MAPRE2: variants seen among roughly 807,000 people sequenced by gnomAD.
MAPRE2 encodes microtubule-associated protein RP/EB family member 2.
MAPRE2 carries 13 observed loss-of-function variants against 43.2 expected under a neutral mutation model. That is an observed-to-expected ratio of 0.30 (90% CI 0.20 to 0.48). The LOEUF is 0.48. MAPRE2 is among the 20% of genes least tolerant of loss of function. The probability of loss-of-function intolerance (pLI) is 0.99; values close to 1 mark genes in which losing one functional copy is unlikely to be tolerated. For missense variants in MAPRE2, 161 were observed against 400.2 expected, an observed-to-expected ratio of 0.40 and a Z score of 5.10; for synonymous variants, 135 against 148.8, an observed-to-expected ratio of 0.91 and a Z score of 0.68.
intron 1 of MAPRE2, among the ~76,000 whole-genome samples, chr18:35,061,529 C>T (rs1279775251): frequency 6.6e-6 from 1 of 152,126 alleles, no homozygotes; most frequent in Non-Finnish European, 1.5e-5. Context: ...CATTGTCTGT[C>T]TAATCCCATC....
At chr18:35,032,988 A>G (rs1346052750) in intron 2 of MAPRE2, among the ~76,000 whole-genome samples, 4 of 152,122 alleles carry the variant, frequency 2.6e-5, no homozygotes, top group Admixed American at 2.6e-4. Context: ...TTGATTTAGT[A>G]TATCTCTTCC....
chr18:35,106,509 C>A (rs1302998221), intron 4 of MAPRE2, among the ~76,000 whole-genome samples: 2 of 152,046 alleles, frequency 1.3e-5, no homozygotes, highest in African/African-American at 4.8e-5. Flanking sequence ...AAAAATTGTG[C>A]TTTTACATTG....
chr18:35,107,009 A>G (rs1908940363), intron 4 of MAPRE2, among the ~76,000 whole-genome samples: 1 of 152,204 alleles, frequency 6.6e-6, no homozygotes. Context: ...ATAAAAGGAA[A>G]TTCAAAGTTA....
intron 2 of MAPRE2, among the ~76,000 whole-genome samples, chr18:35,092,542 A>G (rs1369379830): frequency 6.6e-6 from 1 of 152,224 alleles, no homozygotes; most frequent in African/African-American, 2.4e-5. Context: ...ACTTCATGAC[A>G]TTGATCTGGG....
At chr18:35,126,817 A>T in intron 4 of MAPRE2, 131 bp from the exon 5 acceptor site, 1 of 748,092 alleles carries the variant, frequency 1.3e-6, no homozygotes, top group Non-Finnish European at 2.2e-6. Context: ...TACTCCTTCT[A>T]TATGGGAAGG....
intron 6 of MAPRE2, among the ~76,000 whole-genome samples, chr18:35,134,329 CA>C (rs1308631259): frequency 1.3e-5 from 2 of 152,202 alleles, no homozygotes; most frequent in African/African-American, 4.8e-5. Flanking sequence ...GCTATTATGA[CA>C]GTAGTAATGG....
At chr18:35,069,265 A>G (rs909720215) in intron 1 of MAPRE2, among the ~76,000 whole-genome samples, 2 of 152,246 alleles carry the variant, frequency 1.3e-5, no homozygotes, top group Admixed American at 6.5e-5. Flanking sequence ...ATCATAATGT[A>G]TGAACCTTAT....
rs571982498 is a variant in MAPRE2 at position 35,141,889 on chromosome 18, A to G, written c.*1520A>G. 2.0e-5 allele frequency: 3 copies of G among 152,338 alleles called. No individual in the cohort carries two copies. In the East Asian group the frequency reaches 5.8e-4, roughly 29 times the overall value. The allele number at this position is 152,338 out of a possible 1,614,324, so 9.4% of individuals were successfully genotyped here. On this transcript the variant is annotated 3_prime_UTR_variant, in exon 7 of 7. Transcript: ENST00000300249. ...TTGAAATTTCTTTATTAATCGATGA[A>G]ATATGAATTCTAAATTCTAGCATTG...
chr18:35,038,925 G>C (rs1393422894), upstream of MAPRE2, among the ~76,000 whole-genome samples: 1 of 152,174 alleles, frequency 6.6e-6, no homozygotes, highest in Non-Finnish European at 1.5e-5. Flanking sequence ...CCCTTCACCT[G>C]ACTCACAGCC....
chr18:35,086,564 T>TA (rs763555703), intron 2 of MAPRE2, among the ~76,000 whole-genome samples: 2 of 151,966 alleles, frequency 1.3e-5, no homozygotes, highest in Non-Finnish European at 2.9e-5. Flanking sequence ...GAATTATCTA[T>TA]AAAAATCTAT....
chr18:35,012,604 A>C (rs186429357), intron 2 of MAPRE2, among the ~76,000 whole-genome samples: 2 of 152,352 alleles, frequency 1.3e-5, no homozygotes, highest in Admixed American at 1.3e-4. Context: ...AACATGGGTT[A>C]ATCTTGAGGC....
At chr18:34,995,883 G>A (rs1226530515) in intron 1 of MAPRE2, among the ~76,000 whole-genome samples, 1 of 152,136 alleles carries the variant, frequency 6.6e-6, no homozygotes, top group Non-Finnish European at 1.5e-5. Context: ...TGCAACTCAA[G>A]GTGTGGTCTT....
At chr18:35,090,177 T>A (rs992337170) in intron 2 of MAPRE2, among the ~76,000 whole-genome samples, 2 of 152,188 alleles carry the variant, frequency 1.3e-5, no homozygotes, top group Non-Finnish European at 2.9e-5. Flanking sequence ...AGAAGGGTTT[T>A]TTTTTGGCAG....
At chr18:35,030,103 C>T (rs557495179) in intron 2 of MAPRE2, among the ~76,000 whole-genome samples, 35 of 152,172 alleles carry the variant, frequency 2.3e-4, no homozygotes, top group Non-Finnish European at 4.6e-4. Flanking sequence ...ACTGCTAACA[C>T]CAAATCCTAG....
chr18:34,989,063 C>G (rs2097022446), intron 1 of MAPRE2, among the ~76,000 whole-genome samples: 1 of 152,082 alleles, frequency 6.6e-6, no homozygotes. Flanking sequence ...TACTAGCACA[C>G]AAAGGAGAAA....
intron 2 of MAPRE2, among the ~76,000 whole-genome samples, chr18:35,095,304 C>T (rs933431088): frequency 6.6e-6 from 1 of 150,968 alleles, no homozygotes; most frequent in Admixed American, 6.6e-5. Context: ...AGAAAGTTTA[C>T]ATTAAAAATG....
At chr18:35,070,481 G>C (rs758715070) in intron 2 of MAPRE2, 159 bp downstream of exon 2, 6 of 533,100 alleles carry the variant, frequency 1.1e-5, no homozygotes, top group Non-Finnish European at 1.8e-5. Flanking sequence ...ACTAAAGGAC[G>C]TATTGGGAAA....
chr18:35,126,357 C>T (rs1909900713), intron 4 of MAPRE2, among the ~76,000 whole-genome samples: 1 of 152,172 alleles, frequency 6.6e-6, no homozygotes. Context: ...TGAACATTCC[C>T]TGCACCATCC....
intron 2 of MAPRE2, among the ~76,000 whole-genome samples, chr18:35,086,301 ATC>A (rs1456772714): frequency 6.6e-5 from 10 of 151,842 alleles, no homozygotes; most frequent in African/African-American, 2.2e-4. Flanking sequence ...ATAGATATGT[ATC>A]TCATATATAT....
Sources: gnomAD v4.1 joint callset for allele counts (sites outside exome capture counted in the v4.1 genomes callset) on GRCh38, gnomAD v4.1.1 for gene constraint, MANE v1.5 for transcripts, NCBI Gene and HGNC (gene_info 2026-07-23, HGNC 2026-07-21) for gene names.